Variants in MEIKIN observed in about 807,000 individuals in gnomAD.
The protein encoded by MEIKIN is meiotic kinetochore factor.
At chr5:131,876,391 A>G (rs1468654989) in intron 9 of MEIKIN, among the ~76,000 whole-genome samples, 3 of 151,430 alleles carry the variant, frequency 2.0e-5, no homozygotes, top group Non-Finnish European at 4.4e-5. Flanking sequence ...GGACACATGA[A>G]AAAATGCTCA....
intron 11 of MEIKIN, among the ~76,000 whole-genome samples, chr5:131,841,693 TAAC>T (rs914948622): frequency 5.3e-5 from 8 of 152,360 alleles, no homozygotes; most frequent in East Asian, 1.9e-4. Context: ...GTGGACATTT[TAAC>T]AACATTACTT....
At chr5:131,834,317 C>A (rs1372208449) in intron 11 of MEIKIN, among the ~76,000 whole-genome samples, 1 of 152,204 alleles carries the variant, frequency 6.6e-6, no homozygotes, top group African/African-American at 2.4e-5. Flanking sequence ...TCCATCAACA[C>A]ACAGCTTCCC....
intron 11 of MEIKIN, among the ~76,000 whole-genome samples, chr5:131,846,805 AT>A (rs1388390468): frequency 6.6e-6 from 1 of 152,192 alleles, no homozygotes; most frequent in Non-Finnish European, 1.5e-5. Flanking sequence ...GGGCAATAGA[AT>A]GAGTTTCCAT....
intron 8 of MEIKIN, among the ~76,000 whole-genome samples, chr5:131,885,370 AGAGAGAGAGAGAGAG>A (rs1237044635): frequency 2.0e-5 from 1 of 49,178 alleles, no homozygotes; most frequent in Admixed American, 1.9e-4. Flanking sequence ...AGAGAGAGAG[AGAGAGAGAGAGAGAG>A]AGAGAGAGAG....
chr5:131,945,298 C>T (rs1561762911), intron 1 of MEIKIN, 49 bp from the exon 2 acceptor site: 3 of 398,882 alleles, frequency 7.5e-6, no homozygotes, highest in Non-Finnish European at 8.8e-6. Flanking sequence ...CCACCGGCTT[C>T]GGGGGGGTCC....
At chr5:131,940,594 T>C (rs1308400731) in intron 4 of MEIKIN, among the ~76,000 whole-genome samples, 1 of 152,234 alleles carries the variant, frequency 6.6e-6, no homozygotes, top group Non-Finnish European at 1.5e-5. Flanking sequence ...GTTGCTTTAT[T>C]TGTGTCTCTG....
At chr5:131,841,895 T>C (rs1561729242) in intron 11 of MEIKIN, among the ~76,000 whole-genome samples, 1 of 152,370 alleles carries the variant, frequency 6.6e-6, no homozygotes, top group South Asian at 2.1e-4. Flanking sequence ...TTTTTGTATA[T>C]TGACTTTGTA....
At chr5:131,911,689 T>C in intron 8 of MEIKIN, 126 bp downstream of exon 8, 2 of 382,696 alleles carry the variant, frequency 5.2e-6, no homozygotes, top group Non-Finnish European at 9.3e-6. Context: ...AGCTAAAAAG[T>C]ACTCGGTTCA....
intron 11 of MEIKIN, among the ~76,000 whole-genome samples, chr5:131,819,746 T>C (rs1334676053): frequency 8.2e-5 from 12 of 146,856 alleles, no homozygotes; most frequent in Non-Finnish European, 1.3e-4. Flanking sequence ...ACTATAGGCA[T>C]GCACCACTAC....
At chr5:131,891,012 T>G (rs1176130057) in intron 8 of MEIKIN, among the ~76,000 whole-genome samples, 1 of 152,216 alleles carries the variant, frequency 6.6e-6, no homozygotes, top group Non-Finnish European at 1.5e-5. Context: ...TCAGTTTCCA[T>G]GTAGTTGAGC....
At chr5:131,922,788 T>C (rs544425670) in intron 5 of MEIKIN, among the ~76,000 whole-genome samples, 1 of 152,196 alleles carries the variant, frequency 6.6e-6, no homozygotes, top group South Asian at 2.1e-4. Context: ...CATATGATGA[T>C]AAAATGTTAT....
At chr5:131,891,710 T>C (rs1750923133) in intron 8 of MEIKIN, among the ~76,000 whole-genome samples, 1 of 152,336 alleles carries the variant, frequency 6.6e-6, no homozygotes, top group East Asian at 1.9e-4. Context: ...ATTTAGCCCA[T>C]TTACATTTAA....
chr5:131,910,353 G>C (rs886844821), intron 8 of MEIKIN, among the ~76,000 whole-genome samples: 7 of 152,228 alleles, frequency 4.6e-5, no homozygotes, highest in African/African-American at 1.7e-4. Context: ...TCACTTATTT[G>C]TGGGATCTAA....
intron 11 of MEIKIN, among the ~76,000 whole-genome samples, chr5:131,819,763 C>CTTT (rs1351080323): frequency 8.5e-6 from 1 of 116,962 alleles, no homozygotes; most frequent in African/African-American, 4.0e-5. Context: ...CTACATCCAG[C>CTTT]TATTTTTTTT....
intron 8 of MEIKIN, among the ~76,000 whole-genome samples, chr5:131,900,409 G>T (rs574168678): frequency 8.7e-4 from 132 of 152,322 alleles, no homozygotes; most frequent in African/African-American, 3.0e-3. Flanking sequence ...TGGGGAAGGG[G>T]TGAGTTGAGC....
intron 11 of MEIKIN, among the ~76,000 whole-genome samples, chr5:131,831,517 C>T (rs1223638409): frequency 1.3e-5 from 2 of 152,164 alleles, no homozygotes; most frequent in African/African-American, 4.8e-5. Context: ...TATCACACCA[C>T]TGTATTACAG....
chr5:131,920,955 G>A (rs1397560949), intron 6 of MEIKIN, among the ~76,000 whole-genome samples: 1 of 151,956 alleles, frequency 6.6e-6, no homozygotes, highest in Non-Finnish European at 1.5e-5. Context: ...TCCCACCTCA[G>A]TCTCCCAAAG....
chr5:131,810,012 C>T (rs763526376), intron 12 of MEIKIN, among the ~76,000 whole-genome samples: 1 of 152,130 alleles, frequency 6.6e-6, no homozygotes, highest in South Asian at 2.1e-4. Flanking sequence ...TACTATTTTA[C>T]CAATTTTACA....
chr5:131,905,167 G>A lies in MEIKIN; in HGVS notation c.703+6648C>T, dbSNP rs140471621. On this transcript the variant is annotated intron_variant, in intron 8 of 12. Transcript: ENST00000442687. ...GAAAAAAACCCCATACAATTAAATG[G>A]AAATTTTAAAAACCTGCTCCTGAAC... Among the ~76,000 whole-genome samples, 711 of 152,134 alleles carry A rather than the reference G, an allele frequency of 4.7e-3. 8 individuals carry two copies. Among genetic ancestry groups the A allele is most frequent in the African/African-American group, 0.016 (675 of 41,494 alleles).
Sources: gnomAD v4.1 joint callset for allele counts (sites outside exome capture counted in the v4.1 genomes callset) on GRCh38, gnomAD v4.1.1 for gene constraint, MANE v1.5 for transcripts, NCBI Gene and HGNC (gene_info 2026-07-23, HGNC 2026-07-21) for gene names.